SYNRG: variants seen among roughly 807,000 people sequenced by gnomAD.
SYNRG encodes the protein AP1 gamma subunit binding protein 1.
Under a neutral mutation model 130.9 loss-of-function variants are expected in SYNRG, and 37 were observed. The observed-to-expected ratio is 0.28, with a 90% confidence interval of 0.22 to 0.37. SYNRG has a LOEUF of 0.37. Ranked by LOEUF, SYNRG falls within the 10% of genes least tolerant of loss-of-function variation. The pLI is 1.00. For missense variants in SYNRG, 1,338 were observed against 1,588.9 expected (o/e 0.84, Z 2.68); for synonymous variants, 539 against 568.1 (o/e 0.95, Z 0.73).
rs1450963000 is a variant in SYNRG, at chr17:37,515,710, C to T, written c.*3230G>A. 2.0e-5 allele frequency: 3 copies of T among 152,308 alleles called. No individual in the cohort carries two copies. The highest frequency in any genetic ancestry group is 6.5e-5 in the Admixed American group (1 of 15,286). 9.4% of individuals were successfully genotyped at this position (152,308 alleles called of 1,614,324 possible). On this transcript the variant is annotated 3_prime_UTR_variant, in exon 22 of 22. Transcript: ENST00000612223. ...CTGACCTCGGGTGATCCACCCGGCT[C>T]GGCCTCCCAAAGTGCTGGGGATTAC...
chr17:37,593,181 A>G (rs1348987409), intron 3 of SYNRG, among the ~76,000 whole-genome samples: 4 of 152,060 alleles, frequency 2.6e-5, no homozygotes, highest in Non-Finnish European at 5.9e-5. Flanking sequence ...GAGAGGCCAA[A>G]GCGGGTGGAT....
rs781411105 is a variant in SYNRG at position 37,586,429 on chromosome 17, C to T, written c.361G>A (p.Glu121Lys). Residue 121 changes from glutamate to lysine, a missense_variant, in exon 4 of 22, where the codon GAA becomes AAA. Physicochemically the swap from Glu to Lys is moderately conservative, Grantham distance 56 (BLOSUM62 1). Transcript: ENST00000612223. Reference sequence around the variant, plus strand: ...CTGGTGATCTCTTACTGCTGCTCTTCGGCAAACTGCTTCTGCATGTCTGGA... The same window carrying T: ...CTGGTGATCTCTTACTGCTGCTCTTTGGCAAACTGCTTCTGCATGTCTGGA... ...YTPDMQKQFA[E>K]EQQKRFEQQQ... 8.1e-6 allele frequency: 13 copies of T among 1,614,084 alleles called. No individual in the cohort carries two copies. Among genetic ancestry groups the T allele is most frequent in the Admixed American group, 1.7e-5 (1 of 60,010 alleles).
chr17:37,518,839 A>C lies in SYNRG; in HGVS notation c.*101T>G. ...CTTGCGGTGTTCTTCATATCGATTC[A>C]GGGAAGCGAACTGTGCAGTGCTCGC... On this transcript the variant is annotated 3_prime_UTR_variant, in exon 22 of 22. Transcript: ENST00000612223. 1.4e-6 allele frequency: 2 copies of C among 1,480,830 alleles called. No individual in the cohort carries two copies. The highest frequency in any genetic ancestry group is 1.8e-6 in the Non-Finnish European group (2 of 1,099,910). The allele number at this position is 1,480,830 out of a possible 1,614,324, so 91.7% of individuals were successfully genotyped here.
chr17:37,588,414 C>T (rs2061872399), intron 3 of SYNRG, among the ~76,000 whole-genome samples: 1 of 152,050 alleles, frequency 6.6e-6, no homozygotes, highest in Non-Finnish European at 1.5e-5. Context: ...AGGCATGTGC[C>T]ACCACACCCA....
rs372011928 is a variant in SYNRG, at chr17:37,571,858, C to T, written c.1031G>A (p.Arg344Gln). The change falls in exon 9 of 22, where the codon CGA (arginine) becomes CAA (glutamine). Residue 344 changes from arginine to glutamine, a missense_variant. Coordinates refer to ENST00000612223, the MANE Select transcript of SYNRG (RefSeq NM_007247.6). Reference sequence around the variant, plus strand: ...TTTTGTAAGTTTGCCAGGTGTAGTTCGATTAGCTAAGGCCCATATCTGTCC... The same window carrying T: ...TTTTGTAAGTTTGCCAGGTGTAGTTTGATTAGCTAAGGCCCATATCTGTCC... Reference protein sequence around the residue: ...TLGQIWALANRTTPGKLTKEE... With the variant: ...TLGQIWALANQTTPGKLTKEE... 5.2e-5 allele frequency: 84 copies of T among 1,614,008 alleles called. No individual in the cohort carries two copies. The highest frequency in any genetic ancestry group is 3.1e-4 in the East Asian group (14 of 44,886).
intron 20 of SYNRG, 128 bp from the exon 21 acceptor site, chr17:37,520,342 A>G: frequency 2.3e-6 from 3 of 1,282,374 alleles, no homozygotes; most frequent in Non-Finnish European, 3.4e-6. Flanking sequence ...TGCAGGCATG[A>G]GAGCCGCGTC....
chr17:37,540,363 G>C lies in SYNRG; in HGVS notation c.3366+17C>G. The C allele has an allele frequency of 6.2e-7, 1 of 1,612,240 alleles. No homozygotes were observed. Among genetic ancestry groups the C allele is most frequent in the Non-Finnish European group, 8.5e-7 (1 of 1,179,468 alleles). On this transcript the variant is annotated intron_variant, in intron 16 of 21. Transcript: ENST00000612223. ...GCTGGTCTGTTACCCACCCCTTGTA[G>C]AAAGCTCTCCTCTCACCTCCACCTC...
At chr17:37,596,080 C>T in intron 3 of SYNRG, 143 bp downstream of exon 3, 8 of 933,638 alleles carry the variant, frequency 8.6e-6, no homozygotes, top group Non-Finnish European at 1.3e-5. Flanking sequence ...GGAGGGTGAA[C>T]ACATCTTCAT....
At chr17:37,559,008 T>G (rs1244779568) in intron 13 of SYNRG, among the ~76,000 whole-genome samples, 1 of 152,204 alleles carries the variant, frequency 6.6e-6, no homozygotes, top group African/African-American at 2.4e-5. Flanking sequence ...TTTAAATTAT[T>G]TTTAGCTGAT....
chr17:37,600,237 T>A, intron 2 of SYNRG, 126 bp downstream of exon 2: 1 of 775,158 alleles, frequency 1.3e-6, no homozygotes, highest in East Asian at 2.7e-5. Context: ...CATACAGGTT[T>A]AAGAGTGCAG....
At chr17:37,602,499 C>A (rs149540468) in intron 1 of SYNRG, among the ~76,000 whole-genome samples, 1 of 152,050 alleles carries the variant, frequency 6.6e-6, no homozygotes, top group African/African-American at 2.4e-5. Context: ...AGAGTTATAA[C>A]TGAAGAAGGA....
chr17:37,535,933 G>C, intron 19 of SYNRG, 46 bp downstream of exon 19: 1 of 1,609,122 alleles, frequency 6.2e-7, no homozygotes, highest in Non-Finnish European at 8.5e-7. Context: ...TTACAACTTA[G>C]GTTTCTGGAA....
chr17:37,609,262 C>T lies in SYNRG; in HGVS notation c.77+17G>A, dbSNP rs962106682. The stretch of plus-strand genomic sequence containing the variant: ...CCGCGGAGGCCAGCGGGCTCCCGCC[C>T]GGCTCTTCACACCTACCCGCCTCCC... On this transcript the variant is annotated intron_variant, in intron 1 of 21. Transcript: ENST00000612223. 17 of 1,428,814 alleles carry T rather than the reference C, an allele frequency of 1.2e-5. No homozygotes were observed. Among genetic ancestry groups the T allele is most frequent in the Non-Finnish European group, 1.5e-5 (17 of 1,098,118 alleles). 88.5% of individuals were successfully genotyped at this position (1,428,814 alleles called of 1,614,324 possible).
intron 3 of SYNRG, among the ~76,000 whole-genome samples, chr17:37,593,625 C>G (rs866618904): frequency 6.6e-6 from 1 of 152,112 alleles, no homozygotes; most frequent in Admixed American, 6.5e-5. Flanking sequence ...TGGCTCATGC[C>G]TATAATCCCA....
At position 37,568,865 on chromosome 17, in the gene SYNRG, G is replaced by T; in HGVS notation, c.1407C>A (p.Ser469=). Residue 469 remains serine, a synonymous_variant, in exon 11 of 22, where the codon TCC becomes TCA. Coordinates refer to ENST00000612223, the MANE Select transcript of SYNRG (RefSeq NM_007247.6). ...GGAAATCACTGAATGAGTCATCAAG[G>T]GATCCTGACTTAGAAGCATCTTGAA... The part of the protein sequence containing the change: ...QDFQDASKSG[S]LDDSFSDFQE... 7 of 1,613,982 alleles carry T rather than the reference G, an allele frequency of 4.3e-6. No homozygotes were observed. The African/African-American group carries it at 8.0e-5, about 18-fold the overall frequency.
At chr17:37,525,194 G>C (rs991889273) in intron 19 of SYNRG, among the ~76,000 whole-genome samples, 3 of 152,058 alleles carry the variant, frequency 2.0e-5, no homozygotes, top group African/African-American at 7.2e-5. Context: ...CATATAAGAA[G>C]GTATGCCCTC....
chr17:37,566,011 G>C (rs768341999), intron 11 of SYNRG, among the ~76,000 whole-genome samples: 10 of 149,760 alleles, frequency 6.7e-5, no homozygotes, highest in Middle Eastern at 7.0e-3. Context: ...GGAGGGAGGT[G>C]GGGGGGTCAG....
At chr17:37,577,649 C>G (rs762196171) in intron 6 of SYNRG, 36 bp from the exon 7 acceptor site, 5 of 1,427,152 alleles carry the variant, frequency 3.5e-6, no homozygotes, top group Admixed American at 1.7e-5. Context: ...TTGTATATAA[C>G]TGTATATGTC....
Position 37,600,518 on chromosome 17 carries a change from C to T in SYNRG, c.78-115G>A, listed in dbSNP as rs185934761. ...TAGATGGGACCTGGTGTTTGTTCTG[C>T]ACCACAATACTGAATTGCCCAACAT... On this transcript the variant is annotated intron_variant, in intron 1 of 21. Transcript: ENST00000612223. 39 of 983,942 alleles carry T rather than the reference C, an allele frequency of 4.0e-5. No individual in the cohort carries two copies. In the Admixed American group the frequency reaches 6.1e-4, roughly 15 times the overall value. The allele number at this position is 983,942 out of a possible 1,614,324, so 61.0% of individuals were successfully genotyped here. A position where few individuals can be genotyped will look rare whatever the true frequency, so the allele number is the denominator to read the frequency against.
Sources: gnomAD v4.1 joint callset for allele counts (sites outside exome capture counted in the v4.1 genomes callset) on GRCh38, gnomAD v4.1.1 for gene constraint, MANE v1.5 for transcripts, NCBI Gene and HGNC (gene_info 2026-07-23, HGNC 2026-07-21) for gene names.